Variants in MYO10 observed in about 807,000 individuals in gnomAD.
The protein encoded by MYO10 is myosin X.
In MYO10, 133 loss-of-function variants were observed where a neutral mutation model predicts 257.3. That is an observed-to-expected ratio of 0.52 (90% CI 0.45 to 0.60). The LOEUF (loss-of-function observed/expected upper bound fraction) is 0.60, where lower values mean the gene tolerates loss of function less well. Ranked by LOEUF, MYO10 falls within the 20% of genes least tolerant of loss-of-function variation. The probability of loss-of-function intolerance (pLI) is 0.00; values close to 1 mark genes in which losing one functional copy is unlikely to be tolerated. For synonymous variants in MYO10, 1,104 were observed against 1,028.6 expected (o/e 1.07, Z -1.40); for missense variants, 2,399 against 2,635.7 (o/e 0.91, Z 1.97).
intron 3 of MYO10, chr5:16,815,350 A>C: frequency 1.5e-6 from 1 of 664,872 alleles, no homozygotes; most frequent in Non-Finnish European, 2.7e-6. Context: ...CAAAATCCAA[A>C]ATATTCCCAA....
intron 3 of MYO10, among the ~76,000 whole-genome samples, chr5:16,798,343 C>A (rs551545188): frequency 8.4e-6 from 1 of 119,314 alleles, no homozygotes; most frequent in East Asian, 2.7e-4. Context: ...AAATGAATTT[C>A]ACCTTAATTA....
chr5:16,729,453 A>AT (rs1314577938), intron 19 of MYO10, among the ~76,000 whole-genome samples: 3,648 of 138,092 alleles, frequency 0.026, 84 homozygotes, highest in African/African-American at 0.058. Flanking sequence ...TGTATTTTCT[A>AT]TTTTTTTTTT....
intron 19 of MYO10, among the ~76,000 whole-genome samples, chr5:16,714,646 C>A (rs970765712): frequency 6.6e-6 from 1 of 152,108 alleles, no homozygotes; most frequent in Non-Finnish European, 1.5e-5. Flanking sequence ...GGTGAAACCC[C>A]GTCTCTACTA....
chr5:16,752,059 A>AG (rs1230629706), intron 19 of MYO10, among the ~76,000 whole-genome samples: 1 of 152,200 alleles, frequency 6.6e-6, no homozygotes, highest in Non-Finnish European at 1.5e-5. Context: ...TACAATTTAT[A>AG]GGAAAAACTA....
Position 16,763,468 on chromosome 5 carries a change from A to T in MYO10, c.1494+13T>A. ...CCCCTTGGGACTGTAACCATTCTTC[A>T]AAAATACATTACCTTCTCAATCAAG... On this transcript the variant is annotated intron_variant, in intron 14 of 40. Coordinates refer to ENST00000513610, the MANE Select transcript of MYO10 (RefSeq NM_012334.3). The T allele has an allele frequency of 1.9e-6, 3 of 1,603,792 alleles. No individual in the cohort carries two copies. Among genetic ancestry groups the T allele is most frequent in the Non-Finnish European group, 2.6e-6 (3 of 1,170,584 alleles).
chr5:16,911,790 C>T (rs536150535), intron 1 of MYO10, among the ~76,000 whole-genome samples: 3 of 152,174 alleles, frequency 2.0e-5, no homozygotes, highest in Admixed American at 6.5e-5. Context: ...GTAATCCCAG[C>T]AGTTTAGGAG....
At chr5:16,829,886 TACACAC>T (rs138178405) in intron 2 of MYO10, among the ~76,000 whole-genome samples, 3 of 150,770 alleles carry the variant, frequency 2.0e-5, no homozygotes, top group Non-Finnish European at 4.4e-5. Context: ...GAACGGCTAA[TACACAC>T]ACACACACAC....
intron 19 of MYO10, among the ~76,000 whole-genome samples, chr5:16,716,928 G>C (rs1366312734): frequency 1.3e-5 from 2 of 152,106 alleles, no homozygotes; most frequent in Non-Finnish European, 1.5e-5. Context: ...CTGCCTCCCA[G>C]GCTCAAGCAA....
chr5:16,880,297 G>T (rs953284063), intron 1 of MYO10, among the ~76,000 whole-genome samples: 3 of 152,068 alleles, frequency 2.0e-5, no homozygotes, highest in Non-Finnish European at 4.4e-5. Flanking sequence ...GGGCCAACAG[G>T]AATCCCCAGA....
intron 19 of MYO10, among the ~76,000 whole-genome samples, chr5:16,740,859 G>A (rs980296493): frequency 4.0e-5 from 6 of 150,804 alleles, no homozygotes; most frequent in Non-Finnish European, 8.8e-5. Context: ...GTGTGTGTCA[G>A]ATTAATTACT....
At chr5:16,812,592 T>C (rs960636456) in intron 3 of MYO10, among the ~76,000 whole-genome samples, 1 of 152,138 alleles carries the variant, frequency 6.6e-6, no homozygotes, top group Admixed American at 6.5e-5. Context: ...CCCCACTAAA[T>C]TGCAAGCTTT....
chr5:16,695,764 T>C (rs1398527106), intron 26 of MYO10, among the ~76,000 whole-genome samples: 1 of 144,308 alleles, frequency 6.9e-6, no homozygotes, highest in East Asian at 2.0e-4. Context: ...CATTTAAACA[T>C]GGGATATTTA....
At chr5:16,726,752 G>A (rs1238877950) in intron 19 of MYO10, among the ~76,000 whole-genome samples, 2 of 152,148 alleles carry the variant, frequency 1.3e-5, no homozygotes, top group Admixed American at 1.3e-4. Context: ...CTTGGTAGCA[G>A]CCCAAAATAG....
intron 1 of MYO10, among the ~76,000 whole-genome samples, chr5:16,919,693 C>T (rs568505680): frequency 1.3e-5 from 2 of 152,246 alleles, no homozygotes; most frequent in South Asian, 4.1e-4. Flanking sequence ...AATAAACACA[C>T]AGGCCGGGCG....
At chr5:16,744,337 A>G (rs1015631490) in intron 19 of MYO10, among the ~76,000 whole-genome samples, 1 of 152,186 alleles carries the variant, frequency 6.6e-6, no homozygotes, top group African/African-American at 2.4e-5. Context: ...AGGTACTGTC[A>G]ATACACACAC....
chr5:16,789,851 T>C (rs539403534), intron 4 of MYO10, among the ~76,000 whole-genome samples: 16 of 152,308 alleles, frequency 1.1e-4, no homozygotes, highest in African/African-American at 3.8e-4. Context: ...CCTATGTTTG[T>C]TGCCAATAGC....
At chr5:16,760,459 TCCAAAAAAAAAAAACAAA>T (rs1195914214) in intron 17 of MYO10, among the ~76,000 whole-genome samples, 2 of 141,514 alleles carry the variant, frequency 1.4e-5, no homozygotes, top group African/African-American at 5.3e-5. Flanking sequence ...AGACCCTGTC[TCCAAAAAAAAAAAACAAA>T]CCAAAAAAAA....
Position 16,748,614 on chromosome 5 carries a change from GAGGGAGA to G in MYO10, c.1929+6207_1929+6213del, listed in dbSNP as rs1310004284. 3.7e-3 allele frequency among the ~76,000 whole-genome samples: 338 copies of G among 91,300 alleles called. 3 individuals are homozygous for G. Among genetic ancestry groups the G allele is most frequent in the African/African-American group, 0.025 (310 of 12,420 alleles). The allele number at this position is 91,300 out of a possible 152,430, so 59.9% of individuals were successfully genotyped here. ...AAGAAAGAAAAGAAAAAGAGGGAGA[GAGGGAGA>G]GAGGGAGGGAGGGAGGGAGGGAGAA... On this transcript the variant is annotated intron_variant, in intron 19 of 40. Transcript: ENST00000513610.
chr5:16,931,622 A>G (rs1200691903), intron 1 of MYO10, among the ~76,000 whole-genome samples: 1 of 135,818 alleles, frequency 7.4e-6, no homozygotes, highest in African/African-American at 2.8e-5. Flanking sequence ...GCTGTCCCCA[A>G]CATAGCAGGG....
Sources: gnomAD v4.1 joint callset for allele counts (sites outside exome capture counted in the v4.1 genomes callset) on GRCh38, gnomAD v4.1.1 for gene constraint, MANE v1.5 for transcripts, NCBI Gene and HGNC (gene_info 2026-07-23, HGNC 2026-07-21) for gene names.